Variants in RPGRIP1L observed in about 807,000 individuals in gnomAD.
RPGRIP1L encodes the protein RPGRIP1 like, also known as protein fantom.
In RPGRIP1L, 131 loss-of-function variants were observed where a neutral mutation model predicts 160.4. The ratio of observed to expected loss-of-function variants is 0.82; its 90% CI spans 0.71 to 0.94. RPGRIP1L has a LOEUF of 0.94. RPGRIP1L is among the 40% of genes least tolerant of loss of function. The pLI is 0.00. For missense variants in RPGRIP1L, 1,522 were observed against 1,535.8 expected (o/e 0.99, Z 0.15); for synonymous variants, 510 against 515.8 (o/e 0.99, Z 0.15).
chr16:53,660,918 A>T (rs892772295), intron 10 of RPGRIP1L, among the ~76,000 whole-genome samples: 1 of 151,166 alleles, frequency 6.6e-6, no homozygotes, highest in African/African-American at 2.4e-5. Flanking sequence ...AATCAAATAT[A>T]CTGTATAAAC....
At chr16:53,657,122 C>A (rs1193269439) in intron 13 of RPGRIP1L, among the ~76,000 whole-genome samples, 1 of 152,038 alleles carries the variant, frequency 6.6e-6, no homozygotes, top group Non-Finnish European at 1.5e-5. Flanking sequence ...CACCTGTAAT[C>A]TCAGCTACTT....
In RPGRIP1L at chr16:53,692,319, A is replaced by T. The variant is rs753287410; in HGVS notation, c.276T>A (p.Tyr92Ter). Residue 92 changes from tyrosine to a stop codon, truncating the protein, a stop_gained, in exon 4 of 27, where the codon TAT (tyrosine) becomes TAA (stop). Transcript: ENST00000647211. LOFTEE classifies it high-confidence loss of function. ...GCTTGGGGCCGCCACCAACCCGCTC[A>T]TATCTTTTCTTGTCATTAACTAGCC... ...LIRLVNDKKRYERVGGGPKRL... is the reference protein window; with the variant it reads ...LIRLVNDKKR 2.5e-6 allele frequency: 4 copies of T among 1,614,018 alleles called. No homozygotes were observed. The highest frequency in any genetic ancestry group is 3.4e-6 in the Non-Finnish European group (4 of 1,180,022).
chr16:53,613,394 C>A (rs766180097), intron 24 of RPGRIP1L, among the ~76,000 whole-genome samples: 1 of 151,930 alleles, frequency 6.6e-6, no homozygotes, highest in African/African-American at 2.4e-5. Context: ...ACTGCAGCCT[C>A]GAACTCCTGG....
chr16:53,610,857 A>G, intron 25 of RPGRIP1L, 110 bp downstream of exon 25: 1 of 870,904 alleles, frequency 1.1e-6, no homozygotes, highest in Non-Finnish European at 1.9e-6. Flanking sequence ...AGTGAGTCAG[A>G]GAACCCCGAT....
At chr16:53,655,641 T>C (rs1967189603) in intron 14 of RPGRIP1L, 1 of 152,232 alleles carries the variant, frequency 6.6e-6, no homozygotes, top group Non-Finnish European at 1.5e-5. Context: ...AGTGCTGAGC[T>C]AGTTTTTTTC....
At chr16:53,683,222 T>C (rs1458418774) in intron 6 of RPGRIP1L, among the ~76,000 whole-genome samples, 1 of 151,982 alleles carries the variant, frequency 6.6e-6, no homozygotes, top group Non-Finnish European at 1.5e-5. Flanking sequence ...GTTTTTCTAA[T>C]AAGAACCTAG....
rs1964558787 is a variant in RPGRIP1L, at chr16:53,619,136, T to C, written c.3505A>G (p.Ile1169Val). The change falls in exon 24 of 27, where the codon ATC becomes GTC. Residue 1169 changes from isoleucine to valine, a missense_variant. By Grantham distance (29) the Ile-to-Val change is conservative. Transcript: ENST00000647211. Reference sequence around the variant, plus strand: ...CGACACTCAACAAACAGCCGTTGGATAGTGTCATCCATGGTTACTTGAGAA... The same window carrying C: ...CGACACTCAACAAACAGCCGTTGGACAGTGTCATCCATGGTTACTTGAGAA... ...NDSQVTMDDT[I>V]QRLFVECRFY... 1 of 1,613,998 alleles carries C rather than the reference T, an allele frequency of 6.2e-7. No individual in the cohort carries two copies. Among genetic ancestry groups the C allele is most frequent in the African/African-American group, 1.3e-5 (1 of 75,052 alleles).
At chr16:53,696,483 C>T (rs546942030) in intron 2 of RPGRIP1L, among the ~76,000 whole-genome samples, 188 bp from the exon 3 acceptor site, 1 of 152,158 alleles carries the variant, frequency 6.6e-6, no homozygotes, top group South Asian at 2.1e-4. Flanking sequence ...AAAATCTTTG[C>T]TATTAATACT....
chr16:53,671,418 T>G, intron 9 of RPGRIP1L, 92 bp downstream of exon 9: 1 of 801,730 alleles, frequency 1.2e-6, no homozygotes, highest in Non-Finnish European at 2.1e-6. Context: ...GCTAATTCTT[T>G]GATCAACATG....
chr16:53,631,732 C>A (rs908477371), intron 22 of RPGRIP1L, among the ~76,000 whole-genome samples: 1 of 152,170 alleles, frequency 6.6e-6, no homozygotes, highest in Admixed American at 6.5e-5. Flanking sequence ...TCTGTCCCCC[C>A]ACACTCGCCA....
intron 3 of RPGRIP1L, chr16:53,694,325 T>C (rs1260476938): frequency 6.7e-6 from 1 of 149,970 alleles, no homozygotes; most frequent in Non-Finnish European, 1.5e-5. Context: ...TGATCCCAGC[T>C]ACTCGGGAGG....
In RPGRIP1L at chr16:53,653,168, C is replaced by T. The variant is rs9889127; in HGVS notation, c.1700-181G>A. 27,583 of 408,150 alleles carry T rather than the reference C, an allele frequency of 0.068. 2,061 individuals are homozygous for T. The highest frequency in any genetic ancestry group is 0.26 in the African/African-American group (11,986 of 45,976). The allele number at this position is 408,150 out of a possible 1,614,324, so 25.3% of individuals were successfully genotyped here. On this transcript the variant is annotated intron_variant, in intron 14 of 26. Coordinates refer to ENST00000647211, the MANE Select transcript of RPGRIP1L (RefSeq NM_015272.5). ...CAAAAATTTATCATTTCTGTTTTGA[C>T]ATCACTTATTAGGCAGCAACAAAAT... is the stretch of plus-strand genomic sequence containing the variant.
intron 22 of RPGRIP1L, chr16:53,635,410 T>C (rs543881743): frequency 3.9e-5 from 6 of 152,322 alleles, no homozygotes; most frequent in Admixed American, 6.5e-5. Context: ...CTCTATTTCA[T>C]GGAGGAATCT....
chr16:53,697,447 A>G (rs1318006573), intron 2 of RPGRIP1L, among the ~76,000 whole-genome samples: 2 of 151,852 alleles, frequency 1.3e-5, no homozygotes, highest in Non-Finnish European at 2.9e-5. Flanking sequence ...ATCTCGGCTC[A>G]CTGCAACCTC....
intron 25 of RPGRIP1L, among the ~76,000 whole-genome samples, chr16:53,610,425 C>G (rs1263776927): frequency 6.6e-6 from 1 of 152,156 alleles, no homozygotes; most frequent in Non-Finnish European, 1.5e-5. Context: ...AATGTCACTA[C>G]TTACAATGAT....
chr16:53,681,310 A>G (rs1213686860), intron 6 of RPGRIP1L, among the ~76,000 whole-genome samples: 2 of 152,226 alleles, frequency 1.3e-5, no homozygotes, highest in African/African-American at 4.8e-5. Context: ...AAAAACACTT[A>G]GTACAAACTA....
At chr16:53,610,943 A>G in intron 25 of RPGRIP1L, 24 bp downstream of exon 25, 1 of 1,523,290 alleles carries the variant, frequency 6.6e-7, no homozygotes, top group South Asian at 1.1e-5. Flanking sequence ...AAACCATTAG[A>G]TTATTTGGAC....
intron 24 of RPGRIP1L, among the ~76,000 whole-genome samples, chr16:53,616,449 G>C (rs1964381850): frequency 1.3e-5 from 2 of 152,118 alleles, no homozygotes; most frequent in Admixed American, 1.3e-4. Context: ...TCTCAAATTT[G>C]CTGATGACCT....
At chr16:53,634,978 G>C (rs1598284903) in intron 22 of RPGRIP1L, among the ~76,000 whole-genome samples, 1 of 152,276 alleles carries the variant, frequency 6.6e-6, no homozygotes, top group East Asian at 1.9e-4. Context: ...TCACATTTGA[G>C]ATAGCATCTG....
Sources: allele counts gnomAD v4.1 joint callset (sites outside exome capture counted in the v4.1 genomes callset), GRCh38; gene constraint gnomAD v4.1.1; transcripts MANE v1.5; gene names NCBI Gene and HGNC (gene_info 2026-07-23, HGNC 2026-07-21).